OSBPL10: variants seen among roughly 807,000 people sequenced by gnomAD.
OSBPL10 encodes oxysterol-binding protein-related protein 10.
Under a neutral mutation model 81.7 loss-of-function variants are expected in OSBPL10, and 49 were observed. That is an observed-to-expected ratio of 0.60 (90% confidence interval 0.48 to 0.76). The LOEUF is 0.76. Ranked by LOEUF, OSBPL10 falls within the 30% of genes least tolerant of loss-of-function variation. The pLI is 0.00. For missense variants in OSBPL10, 923 were observed against 987.8 expected (o/e 0.93, Z 0.88); for synonymous variants, 419 against 383.6 (o/e 1.09, Z -1.08).
intron 9 of OSBPL10, among the ~76,000 whole-genome samples, chr3:31,669,442 A>C (rs950038098): frequency 4.6e-5 from 7 of 152,212 alleles, no homozygotes; most frequent in African/African-American, 1.7e-4. Flanking sequence ...GGGGTCAAAC[A>C]TGGTTGCCCA....
At chr3:31,933,406 A>G (rs201930561) in intron 1 of OSBPL10, among the ~76,000 whole-genome samples, 1 of 148,260 alleles carries the variant, frequency 6.7e-6, no homozygotes, top group Non-Finnish European at 1.5e-5. Flanking sequence ...GAAACAATAA[A>G]TTTTTTTTTT....
Position 31,698,906 on chromosome 3 carries a change from C to T in OSBPL10, c.1245+3453G>A, listed in dbSNP as rs554733450. On this transcript the variant is annotated intron_variant, in intron 7 of 11. Coordinates refer to ENST00000396556, the MANE Select transcript of OSBPL10 (RefSeq NM_017784.5). The stretch of plus-strand genomic sequence containing the variant: ...TCTCCATCTCCTTTTCTTTTCCCTC[C>T]CTCCTTCCCTCTCTCTCACTTGTTT... 3.3e-5 allele frequency among the ~76,000 whole-genome samples: 5 copies of T among 152,224 alleles called. No individual in the cohort carries two copies. In the South Asian group the frequency reaches 1.0e-3, roughly 32 times the overall value.
At chr3:32,035,237 G>GA (rs1169272907) in intron 2 of OSBPL10, among the ~76,000 whole-genome samples, 4 of 152,080 alleles carry the variant, frequency 2.6e-5, no homozygotes, top group African/African-American at 9.7e-5. Flanking sequence ...GTACTTTATA[G>GA]AAAAAATATA....
intron 5 of OSBPL10, among the ~76,000 whole-genome samples, chr3:31,747,683 A>T (rs1424358565): frequency 6.6e-6 from 1 of 152,172 alleles, no homozygotes; most frequent in Non-Finnish European, 1.5e-5. Context: ...GAGGAAGGGC[A>T]GGAGAGATTA....
rs567488399 is a variant in OSBPL10 at position 31,808,161 on chromosome 3, A to G, written c.729+21879T>C. 8.7e-4 allele frequency among the ~76,000 whole-genome samples: 132 copies of G among 152,296 alleles called. 1 individual carries two copies. The highest frequency in any genetic ancestry group is 3.1e-3 in the African/African-American group (127 of 41,564). On this transcript the variant is annotated intron_variant, in intron 4 of 11. Transcript: ENST00000396556. ...AAGAGCCACAATTCTGTACTCACCC[A>G]GCATATCATCAAGACTAAGATCATC...
At chr3:31,741,736 T>A (rs983264528) in intron 5 of OSBPL10, among the ~76,000 whole-genome samples, 1 of 152,228 alleles carries the variant, frequency 6.6e-6, no homozygotes, top group Non-Finnish European at 1.5e-5. Context: ...CCCACCCAAA[T>A]CTCATCTTGT....
chr3:31,799,379 TAAAAA>T (rs61157535), intron 4 of OSBPL10, among the ~76,000 whole-genome samples: 3 of 56,214 alleles, frequency 5.3e-5, no homozygotes, highest in Non-Finnish European at 6.4e-5. Flanking sequence ...CCTATCTCTT[TAAAAA>T]AAAAAAAAAA....
intron 4 of OSBPL10, among the ~76,000 whole-genome samples, chr3:31,818,422 CTT>C (rs1460844491): frequency 6.6e-6 from 1 of 152,172 alleles, no homozygotes; most frequent in Non-Finnish European, 1.5e-5. Context: ...TTAAAACAAA[CTT>C]CTCTCTCTGT....
At position 31,992,201 on chromosome 3, in the gene OSBPL10, T is replaced by C. The variant is rs140630677; in HGVS notation, n.298+54290A>G. On this transcript the variant is annotated intron_variant and non_coding_transcript_variant, in intron 2 of 3. Coordinates refer to the OSBPL10 transcript ENST00000479173. ...GGTGTAGGCAAAAAGTATGGACACA[T>C]AGAAATATGGAACAGAATAAATAAT... is the stretch of plus-strand genomic sequence containing the variant. Among the ~76,000 whole-genome samples the C allele has an allele frequency of 1.3e-4, 20 of 149,804 alleles. No individual in the cohort carries two copies. The East Asian group carries it at 3.3e-3, about 25-fold the overall frequency.
chr3:31,776,033 G>C (rs1000962880), intron 4 of OSBPL10, among the ~76,000 whole-genome samples: 7 of 152,114 alleles, frequency 4.6e-5, no homozygotes, highest in African/African-American at 1.7e-4. Flanking sequence ...CAAGTCAGGA[G>C]GGTGCAATGA....
intron 8 of OSBPL10, among the ~76,000 whole-genome samples, chr3:31,676,257 G>T (rs1700470888): frequency 9.2e-6 from 1 of 109,160 alleles, no homozygotes; most frequent in Non-Finnish European, 1.7e-5. Context: ...TGCCTTCTTA[G>T]TACATACTCT....
At chr3:31,785,989 A>G (rs1433123893) in intron 4 of OSBPL10, among the ~76,000 whole-genome samples, 3 of 152,238 alleles carry the variant, frequency 2.0e-5, no homozygotes, top group Non-Finnish European at 4.4e-5. Flanking sequence ...TAGAAGTTGG[A>G]GAGCCCAAAC....
chr3:32,041,021 G>T (rs1325697797), intron 2 of OSBPL10, among the ~76,000 whole-genome samples: 1 of 152,150 alleles, frequency 6.6e-6, no homozygotes, highest in African/African-American at 2.4e-5. Context: ...TAACACAGAT[G>T]CAACTTGCTT....
intron 6 of OSBPL10, among the ~76,000 whole-genome samples, chr3:31,717,618 G>T (rs1696485759): frequency 6.6e-6 from 1 of 152,116 alleles, no homozygotes; most frequent in South Asian, 2.1e-4. Flanking sequence ...ATACCTTTTG[G>T]TCCAAACAGC....
At chr3:31,863,467 G>A (rs1701106676) in intron 3 of OSBPL10, among the ~76,000 whole-genome samples, 1 of 152,174 alleles carries the variant, frequency 6.6e-6, no homozygotes, top group African/African-American at 2.4e-5. Context: ...GAAACGATAA[G>A]AGCCACTTGT....
At chr3:31,741,804 G>A (rs1559443546) in intron 5 of OSBPL10, among the ~76,000 whole-genome samples, 1 of 152,046 alleles carries the variant, frequency 6.6e-6, no homozygotes, top group Admixed American at 6.6e-5. Context: ...ACTGAATCAT[G>A]CGGCAGGTCT....
chr3:32,069,518 T>A (rs1439480417), intron 1 of OSBPL10, among the ~76,000 whole-genome samples: 1 of 152,206 alleles, frequency 6.6e-6, no homozygotes, highest in African/African-American at 2.4e-5. Context: ...CCAGCCCAGT[T>A]CATGGCCCGC....
At chr3:31,907,803 G>C (rs550902621) in intron 1 of OSBPL10, among the ~76,000 whole-genome samples, 1 of 151,960 alleles carries the variant, frequency 6.6e-6, no homozygotes, top group East Asian at 1.9e-4. Flanking sequence ...TCTAGATGTT[G>C]GGAATAGAAC....
intron 4 of OSBPL10, among the ~76,000 whole-genome samples, chr3:31,791,800 C>G (rs2125424471): frequency 6.7e-6 from 1 of 149,682 alleles, no homozygotes; most frequent in South Asian, 2.1e-4. Flanking sequence ...TAAAAACATA[C>G]AGTGCTTAAA....
Sources: allele counts gnomAD v4.1 joint callset (sites outside exome capture counted in the v4.1 genomes callset), GRCh38; gene constraint gnomAD v4.1.1; transcripts MANE v1.5; gene names NCBI Gene and HGNC (gene_info 2026-07-23, HGNC 2026-07-21).